The following MAP1LC3B2 variants were observed in gnomAD, a reference collection of about 807,000 sequenced individuals.
MAP1LC3B2 encodes the protein microtubule-associated protein 1 light chain 3 beta 2.
For synonymous variants in MAP1LC3B2, 62 were observed against 57.8 expected (o/e 1.07, Z -0.33); for missense variants, 155 against 154.6 (o/e 1.00, Z -0.01).
intron 1 of MAP1LC3B2, chr12:116,560,078 A>C (rs894177298): frequency 6.6e-6 from 1 of 150,424 alleles, no homozygotes; most frequent in Non-Finnish European, 1.5e-5. Context: ...GAAAAAAAAA[A>C]CAAAAACAAA....
chr12:116,575,231 TAAA>T (rs1296590929), intron 1 of MAP1LC3B2, among the ~76,000 whole-genome samples: 2 of 143,028 alleles, frequency 1.4e-5, no homozygotes, highest in Non-Finnish European at 3.1e-5. Context: ...ATTAAAAAAA[TAAA>T]GAAGAAAAAA....
intron 1 of MAP1LC3B2, among the ~76,000 whole-genome samples, chr12:116,564,093 G>A (rs1008204168): frequency 1.3e-5 from 2 of 151,808 alleles, no homozygotes; most frequent in African/African-American, 4.8e-5. Flanking sequence ...GATACATTTG[G>A]TTCTTTTTTT....
At chr12:116,572,228 A>G (rs752120500) in intron 1 of MAP1LC3B2, among the ~76,000 whole-genome samples, 1 of 152,144 alleles carries the variant, frequency 6.6e-6, no homozygotes, top group Non-Finnish European at 1.5e-5. Context: ...GGCATCGTCT[A>G]TTTGTTTTGG....
chr12:116,569,329 G>T (rs1416232189), intron 1 of MAP1LC3B2, among the ~76,000 whole-genome samples: 3 of 152,132 alleles, frequency 2.0e-5, no homozygotes, highest in Non-Finnish European at 2.9e-5. Flanking sequence ...ATAGCTGGGG[G>T]TCCTCAGGCA....
chr12:116,572,144 A>G (rs558994073), intron 1 of MAP1LC3B2, among the ~76,000 whole-genome samples: 16 of 152,320 alleles, frequency 1.1e-4, no homozygotes, highest in Non-Finnish European at 1.9e-4. Flanking sequence ...TCATAAAATG[A>G]TCGACACTTG....
chr12:116,562,291 C>T (rs560946567), intron 1 of MAP1LC3B2, among the ~76,000 whole-genome samples: 3 of 152,266 alleles, frequency 2.0e-5, no homozygotes, highest in East Asian at 3.9e-4. Flanking sequence ...TGAAACCATC[C>T]GTAGCTCCAA....
At chr12:116,567,090 G>A (rs922465934) in intron 1 of MAP1LC3B2, among the ~76,000 whole-genome samples, 2 of 151,810 alleles carry the variant, frequency 1.3e-5, no homozygotes, top group African/African-American at 2.4e-5. Context: ...AGGAGGTAAG[G>A]AAAGCAAGTT....
intron 1 of MAP1LC3B2, among the ~76,000 whole-genome samples, chr12:116,564,967 C>A (rs1191717257): frequency 6.6e-6 from 1 of 152,132 alleles, no homozygotes; most frequent in East Asian, 1.9e-4. Flanking sequence ...CTCTGAAAAA[C>A]AATTGTTTTA....
chr12:116,571,345 C>T (rs1869524799), intron 1 of MAP1LC3B2, among the ~76,000 whole-genome samples: 1 of 151,736 alleles, frequency 6.6e-6, no homozygotes, highest in South Asian at 2.1e-4. Context: ...TCTCTGACTA[C>T]TGTTGTGCAA....
chr12:116,572,858 G>C (rs1285921467), intron 1 of MAP1LC3B2, among the ~76,000 whole-genome samples: 1 of 152,218 alleles, frequency 6.6e-6, no homozygotes, highest in Non-Finnish European at 1.5e-5. Context: ...GGCTGCTAGG[G>C]AGGGATGGAG....
intron 1 of MAP1LC3B2, among the ~76,000 whole-genome samples, chr12:116,573,369 CTTAG>C (rs1306738561): frequency 6.6e-6 from 1 of 152,114 alleles, no homozygotes; most frequent in East Asian, 1.9e-4. Context: ...GGCAAACGAT[CTTAG>C]TTATATTCTT....
At chr12:116,567,448 CTTTTTTTT>C in intron 1 of MAP1LC3B2, among the ~76,000 whole-genome samples, 1 of 127,822 alleles carries the variant, frequency 7.8e-6, no homozygotes, top group East Asian at 2.2e-4. Context: ...CTTTGCAAAT[CTTTTTTTT>C]TTTTTTTTTG....
At chr12:116,571,583 C>T (rs1210997983) in intron 1 of MAP1LC3B2, among the ~76,000 whole-genome samples, 1 of 146,692 alleles carries the variant, frequency 6.8e-6, no homozygotes, top group Non-Finnish European at 1.5e-5. Context: ...CGGGTTCATG[C>T]CATTCTCCTG....
intron 1 of MAP1LC3B2, among the ~76,000 whole-genome samples, chr12:116,574,745 A>G (rs574045168): frequency 5.4e-4 from 82 of 151,814 alleles, no homozygotes; most frequent in African/African-American, 1.8e-3. Context: ...TAGTAGAGAC[A>G]GGGTTTTGCT....
intron 1 of MAP1LC3B2, among the ~76,000 whole-genome samples, chr12:116,560,234 A>ATGTATG (rs1215441221): frequency 1.9e-5 from 2 of 107,480 alleles, no homozygotes; most frequent in African/African-American, 7.6e-5. Context: ...ATATATATAT[A>ATGTATG]TATATATGTA....
At chr12:116,571,455 G>GTTTT (rs1869529426) in intron 1 of MAP1LC3B2, among the ~76,000 whole-genome samples, 3 of 67,946 alleles carry the variant, frequency 4.4e-5, no homozygotes, top group East Asian at 1.0e-3. Context: ...AGGGACTGCT[G>GTTTT]TTCTTTTTTT....
intron 1 of MAP1LC3B2, among the ~76,000 whole-genome samples, chr12:116,566,930 C>CAAAAAAAAAAAAAAAAAAAAAAAA (rs56405000): frequency 3.7e-5 from 1 of 26,762 alleles, no homozygotes. Flanking sequence ...GACTCTGTCT[C>CAAAAAAAAAAAAAAAAAAAAAAAA]AAAAAAAAAA....
intron 1 of MAP1LC3B2, among the ~76,000 whole-genome samples, chr12:116,574,544 G>A (rs1869619439): frequency 1.3e-5 from 2 of 151,916 alleles, no homozygotes; most frequent in African/African-American, 4.8e-5. Flanking sequence ...TATTTGGGAG[G>A]CTGAGGTAGG....
chr12:116,560,917 G>C (rs1869256928), intron 1 of MAP1LC3B2, among the ~76,000 whole-genome samples: 1 of 151,852 alleles, frequency 6.6e-6, no homozygotes, highest in South Asian at 2.1e-4. Flanking sequence ...AGGAGTTCAA[G>C]ACCAGCTTGC....
Sources: allele counts gnomAD v4.1 joint callset (sites outside exome capture counted in the v4.1 genomes callset), GRCh38; gene constraint gnomAD v4.1.1; transcripts MANE v1.5; gene names NCBI Gene and HGNC (gene_info 2026-07-23, HGNC 2026-07-21).